LRRTM4: variants seen among roughly 807,000 people sequenced by gnomAD.
The protein encoded by LRRTM4 is leucine rich repeat transmembrane neuronal 4, also known as leucine-rich repeat transmembrane neuronal protein 4.
Under a neutral mutation model 47.6 loss-of-function variants are expected in LRRTM4, and 25 were observed. The ratio of observed to expected loss-of-function variants is 0.53; its 90% CI spans 0.38 to 0.73. LRRTM4 has a LOEUF of 0.73. Among genes scored for constraint, LRRTM4 ranks in the 30% least tolerant of loss-of-function variants. The pLI is 0.00. For synonymous variants in LRRTM4, 311 were observed against 269.5 expected (o/e 1.15, Z -1.51); for missense variants, 638 against 713.4 (o/e 0.89, Z 1.20).
chr2:77,242,794 G>A (rs1675306541), intron 3 of LRRTM4, among the ~76,000 whole-genome samples: 1 of 152,086 alleles, frequency 6.6e-6, no homozygotes, highest in Admixed American at 6.6e-5. Context: ...TAATGAAACT[G>A]CTATGAAAAC....
chr2:77,072,819 A>AC (rs1308928598), intron 3 of LRRTM4, among the ~76,000 whole-genome samples: 1 of 151,568 alleles, frequency 6.6e-6, no homozygotes, highest in African/African-American at 2.4e-5. Flanking sequence ...AAAAAAAAAA[A>AC]AAAACAAAGG....
At chr2:76,766,122 C>G (rs1673445036) in intron 3 of LRRTM4, among the ~76,000 whole-genome samples, 1 of 152,162 alleles carries the variant, frequency 6.6e-6, no homozygotes, top group Non-Finnish European at 1.5e-5. Flanking sequence ...AGGGAAGAGC[C>G]TACAGAAGCA....
At chr2:77,442,456 A>G (rs954025041) in intron 3 of LRRTM4, among the ~76,000 whole-genome samples, 1 of 152,198 alleles carries the variant, frequency 6.6e-6, no homozygotes, top group Non-Finnish European at 1.5e-5. Context: ...TTCAAAACTT[A>G]TCTTCCTTCC....
intron 3 of LRRTM4, among the ~76,000 whole-genome samples, chr2:77,195,626 G>A (rs943211783): frequency 2.0e-5 from 3 of 152,026 alleles, no homozygotes; most frequent in South Asian, 2.1e-4. Context: ...GATATATTAT[G>A]TAGATATATA....
chr2:77,339,705 G>A (rs140408035), intron 3 of LRRTM4, among the ~76,000 whole-genome samples: 1 of 152,044 alleles, frequency 6.6e-6, no homozygotes, highest in East Asian at 1.9e-4. Flanking sequence ...ATGCATCAAA[G>A]GCAGATATAT....
intron 3 of LRRTM4, among the ~76,000 whole-genome samples, chr2:77,470,826 A>G (rs969098163): frequency 1.3e-5 from 2 of 152,170 alleles, no homozygotes; most frequent in Non-Finnish European, 2.9e-5. Context: ...CAGCAGAAGC[A>G]TGCCAGTTTT....
At chr2:77,231,286 T>G (rs999572557) in intron 3 of LRRTM4, among the ~76,000 whole-genome samples, 1 of 151,830 alleles carries the variant, frequency 6.6e-6, no homozygotes, top group Non-Finnish European at 1.5e-5. Context: ...TAGGCAATGT[T>G]TGGCAATATG....
chr2:76,944,984 TAC>T (rs529545431), intron 3 of LRRTM4, among the ~76,000 whole-genome samples: 4 of 152,044 alleles, frequency 2.6e-5, no homozygotes, highest in Non-Finnish European at 4.4e-5. Context: ...TATAAGAAAC[TAC>T]ACAGTTTGAA....
chr2:76,821,429 C>A (rs1384140768), intron 3 of LRRTM4, among the ~76,000 whole-genome samples: 2 of 151,588 alleles, frequency 1.3e-5, no homozygotes, highest in African/African-American at 4.8e-5. Flanking sequence ...TTATTTTCCT[C>A]CTGAGTTCTA....
chr2:77,317,421 C>T (rs1445054340), intron 3 of LRRTM4, among the ~76,000 whole-genome samples: 1 of 152,150 alleles, frequency 6.6e-6, no homozygotes, highest in Non-Finnish European at 1.5e-5. Context: ...TCTTTAGGCT[C>T]TTCTTGCTTT....
chr2:76,840,418 TG>T (rs1251831362), intron 3 of LRRTM4, among the ~76,000 whole-genome samples: 1 of 152,228 alleles, frequency 6.6e-6, no homozygotes, highest in Non-Finnish European at 1.5e-5. Flanking sequence ...ACATGCCTCT[TG>T]GCACCCAACA....
At chr2:77,424,340 T>C (rs1375541977) in intron 3 of LRRTM4, among the ~76,000 whole-genome samples, 1 of 152,226 alleles carries the variant, frequency 6.6e-6, no homozygotes, top group Non-Finnish European at 1.5e-5. Context: ...TAATGTTTTC[T>C]ACTCATCCTC....
In LRRTM4 at chr2:76,764,982, G is replaced by T. The variant is rs574127553; in HGVS notation, c.1552-16066C>A. The stretch of plus-strand genomic sequence containing the variant: ...GGAAAATTGTGGAAGTGGAGCTGTC[G>T]CCTAAAGTCATGGATGTGGAGTCAC... On this transcript the variant is annotated intron_variant, in intron 3 of 3. Transcript: ENST00000409884. 1.3e-3 allele frequency among the ~76,000 whole-genome samples: 192 copies of T among 152,270 alleles called. 1 individual carries two copies. Among genetic ancestry groups the T allele is most frequent in the South Asian group, 8.3e-3 (40 of 4,816 alleles).
At chr2:77,275,539 C>T (rs1263983909) in intron 3 of LRRTM4, among the ~76,000 whole-genome samples, 2 of 152,080 alleles carry the variant, frequency 1.3e-5, no homozygotes, top group African/African-American at 4.8e-5. Flanking sequence ...AAATTACGAG[C>T]ATACAAATCA....
intron 3 of LRRTM4, among the ~76,000 whole-genome samples, chr2:76,926,475 G>C (rs1413216295): frequency 6.6e-6 from 1 of 152,096 alleles, no homozygotes; most frequent in East Asian, 1.9e-4. Context: ...TGGGCCCGAG[G>C]TTAAATGCTA....
At chr2:76,865,076 C>T (rs1326720821) in intron 3 of LRRTM4, among the ~76,000 whole-genome samples, 1 of 152,004 alleles carries the variant, frequency 6.6e-6, no homozygotes, top group Non-Finnish European at 1.5e-5. Context: ...ACATTCCCCA[C>T]CTCAATTTCT....
intron 3 of LRRTM4, among the ~76,000 whole-genome samples, chr2:77,212,349 A>T (rs917668412): frequency 9.0e-6 from 1 of 111,020 alleles, no homozygotes; most frequent in African/African-American, 3.7e-5. Flanking sequence ...CTCAAGATTA[A>T]CTCATGATAT....
chr2:77,108,259 CAAAA>C lies in LRRTM4; in HGVS notation c.1552-359347_1552-359344del, dbSNP rs879519482. Among the ~76,000 whole-genome samples the C allele has an allele frequency of 2.0e-5, 3 of 151,442 alleles. No homozygotes were observed. In the East Asian group the frequency reaches 5.8e-4, roughly 29 times the overall value. On this transcript the variant is annotated intron_variant, in intron 3 of 3. Transcript: ENST00000409884. ...ATTCATTGTATGCAGGAGTAGTAAA[CAAAA>C]AGAAAGAGAAAGAGGAGGCAGTGGG...
chr2:76,751,357 G>A (rs572903095), intron 3 of LRRTM4, among the ~76,000 whole-genome samples: 3 of 150,326 alleles, frequency 2.0e-5, no homozygotes, highest in East Asian at 2.2e-4. Context: ...TTACAAAATA[G>A]TAACAAGAGT....
Sources: allele counts gnomAD v4.1 joint callset (sites outside exome capture counted in the v4.1 genomes callset), GRCh38; gene constraint gnomAD v4.1.1; transcripts MANE v1.5; gene names NCBI Gene and HGNC (gene_info 2026-07-23, HGNC 2026-07-21).